CNTNAP4: variants seen among roughly 807,000 people sequenced by gnomAD.
The protein encoded by CNTNAP4 is contactin associated protein family member 4.
Under a neutral mutation model 148.4 loss-of-function variants are expected in CNTNAP4, and 98 were observed. That is an observed-to-expected ratio of 0.66 (90% CI 0.56 to 0.78). The LOEUF is 0.78. Ranked by LOEUF, CNTNAP4 falls within the 30% of genes least tolerant of loss-of-function variation. CNTNAP4 has a pLI of 0.00. For synonymous variants in CNTNAP4, 730 were observed against 565.1 expected, an observed-to-expected ratio of 1.29 and a Z score of -4.14; for missense variants, 1,935 against 1,565.6, an observed-to-expected ratio of 1.24 and a Z score of -3.98.
rs978335893 is a variant in CNTNAP4 at position 76,443,072 on chromosome 16, G to A, written c.539-4940G>A. ...CCCTGCCCATAGTGAGCCAGTGTAT[G>A]ACAGAGCCACATTATTAATCTCGAT... On this transcript the variant is annotated intron_variant, in intron 4 of 23. Transcript: ENST00000611870. Among the ~76,000 whole-genome samples, 39 of 152,058 alleles carry A rather than the reference G, an allele frequency of 2.6e-4. 1 individual carries two copies. Among genetic ancestry groups the A allele is most frequent in the Admixed American group, 1.9e-3 (29 of 15,254 alleles).
chr16:76,346,348 TG>T (rs57319677), intron 2 of CNTNAP4, among the ~76,000 whole-genome samples: 28,073 of 149,784 alleles, frequency 0.19, 3,416 homozygotes, highest in East Asian at 0.49. Flanking sequence ...TACAGGAGAG[TG>T]ACTTCAGTTT....
At chr16:76,476,479 A>T (rs2081585137) in intron 11 of CNTNAP4, among the ~76,000 whole-genome samples, 1 of 152,134 alleles carries the variant, frequency 6.6e-6, no homozygotes, top group African/African-American at 2.4e-5. Flanking sequence ...TGGTATGAAG[A>T]TTCAGATATC....
At position 76,360,169 on chromosome 16, in the gene CNTNAP4, A is replaced by G. The variant is rs547823287; in HGVS notation, c.390+4658A>G. 1.1e-4 allele frequency among the ~76,000 whole-genome samples: 16 copies of G among 152,316 alleles called. No individual in the cohort carries two copies. The South Asian group carries it at 3.3e-3, about 32-fold the overall frequency. Reference sequence around the variant, plus strand: ...TCTTTGTTTTTTGTTCTTTAACTAGAAGTGTCTAGTGTCATGGTTCTGGGT... The same window carrying G: ...TCTTTGTTTTTTGTTCTTTAACTAGGAGTGTCTAGTGTCATGGTTCTGGGT... On this transcript the variant is annotated intron_variant, in intron 3 of 23. Coordinates refer to ENST00000611870, the MANE Select transcript of CNTNAP4 (RefSeq NM_033401.5).
chr16:76,549,770 G>C (rs974796758), intron 21 of CNTNAP4, among the ~76,000 whole-genome samples: 2 of 152,082 alleles, frequency 1.3e-5, no homozygotes, highest in African/African-American at 4.8e-5. Flanking sequence ...GACCCACAGA[G>C]ATGTAAGTCC....
intron 3 of CNTNAP4, among the ~76,000 whole-genome samples, chr16:76,388,641 G>A (rs2016707051): frequency 6.6e-6 from 1 of 152,124 alleles, no homozygotes; most frequent in African/African-American, 2.4e-5. Flanking sequence ...ATATATAATA[G>A]TAATTCCTGT....
chr16:76,344,236 T>G (rs1306962370), intron 2 of CNTNAP4, among the ~76,000 whole-genome samples: 1 of 152,150 alleles, frequency 6.6e-6, no homozygotes, highest in Non-Finnish European at 1.5e-5. Flanking sequence ...CTGTCCAGTT[T>G]GTAGAAAAAA....
chr16:76,439,311 T>G (rs1473099745), intron 4 of CNTNAP4, among the ~76,000 whole-genome samples: 1 of 151,456 alleles, frequency 6.6e-6, no homozygotes, highest in Non-Finnish European at 1.5e-5. Context: ...GAGATAACTT[T>G]GAGATAAACG....
intron 3 of CNTNAP4, among the ~76,000 whole-genome samples, chr16:76,420,942 T>C (rs2079168858): frequency 6.6e-6 from 1 of 152,064 alleles, no homozygotes; most frequent in Non-Finnish European, 1.5e-5. Context: ...AAAAATTTAG[T>C]CTTCCACAAA....
At position 76,479,429 on chromosome 16, in the gene CNTNAP4, G is replaced by T. The variant is rs149658030; in HGVS notation, c.1773G>T (p.Glu591Asp). 2 of 1,595,500 alleles carry T rather than the reference G, an allele frequency of 1.3e-6. No individual in the cohort carries two copies. The highest frequency in any genetic ancestry group is 1.7e-6 in the Non-Finnish European group (2 of 1,171,676). ...RGATCHNSIY[E>D]QSCEAYKHRG... ...TTTTTTTTCTTAAAGCTATCTATGA[G>T]CAGTCATGTGAAGCCTATAAGCACA... The change falls in exon 12 of 24, where the codon GAG becomes GAT. Residue 591 changes from glutamate (E) to aspartate (D), a missense_variant. By Grantham distance (45) the Glu-to-Asp change is conservative. Transcript: ENST00000611870.
chr16:76,347,960 A>G (rs1334349344), intron 2 of CNTNAP4, among the ~76,000 whole-genome samples: 1 of 152,104 alleles, frequency 6.6e-6, no homozygotes, highest in Admixed American at 6.5e-5. Context: ...CAGGTATAAT[A>G]TTTCACACCT....
chr16:76,405,407 GA>G (rs759919919), intron 3 of CNTNAP4, among the ~76,000 whole-genome samples: 4 of 152,188 alleles, frequency 2.6e-5, no homozygotes, highest in South Asian at 4.2e-4. Flanking sequence ...GGGAGGAGGG[GA>G]AACCCATGCA....
Position 76,375,140 on chromosome 16 carries a change from T to C in CNTNAP4, c.390+19629T>C, listed in dbSNP as rs923584955. ...TTTGTGTGATTTAAAGGCACGTATTTACTAGGTGCAGTGGCTCATGCCTGT... is the reference window on the plus strand; with the variant it reads ...TTTGTGTGATTTAAAGGCACGTATTCACTAGGTGCAGTGGCTCATGCCTGT... On this transcript the variant is annotated intron_variant, in intron 3 of 23. Transcript: ENST00000611870. Among the ~76,000 whole-genome samples, 25 of 152,226 alleles carry C rather than the reference T, an allele frequency of 1.6e-4. 1 individual carries two copies. The highest frequency in any genetic ancestry group is 6.5e-5 in the Admixed American group (1 of 15,288).
chr16:76,386,034 TG>T (rs1162792320), intron 3 of CNTNAP4, among the ~76,000 whole-genome samples: 1 of 152,066 alleles, frequency 6.6e-6, no homozygotes, highest in Non-Finnish European at 1.5e-5. Context: ...GAAGGCAGAG[TG>T]CCACCTTGTT....
At chr16:76,483,692 T>G (rs2081923360) in intron 12 of CNTNAP4, among the ~76,000 whole-genome samples, 1 of 152,102 alleles carries the variant, frequency 6.6e-6, no homozygotes, top group South Asian at 2.1e-4. Flanking sequence ...ATGTGGCACT[T>G]AATAGACTAC....
chr16:76,289,020 C>A (rs1959002079), intron 1 of CNTNAP4, among the ~76,000 whole-genome samples: 1 of 152,072 alleles, frequency 6.6e-6, no homozygotes, highest in Admixed American at 6.5e-5. Context: ...CCTGGTCAAC[C>A]TATTCTTACT....
chr16:76,438,764 C>T (rs73617566), intron 4 of CNTNAP4, among the ~76,000 whole-genome samples: 6,012 of 152,114 alleles, frequency 0.04, 398 homozygotes, highest in African/African-American at 0.14. Context: ...CTTTCCTGGC[C>T]GCTGCTGACA....
chr16:76,301,756 C>A (rs7201905), intron 1 of CNTNAP4, among the ~76,000 whole-genome samples: 3,711 of 152,144 alleles, frequency 0.024, 154 homozygotes, highest in African/African-American at 0.084. Context: ...CTCAAATCCG[C>A]CTCCCTGAAG....
At chr16:76,454,677 T>C (rs1227065462) in intron 8 of CNTNAP4, among the ~76,000 whole-genome samples, 3 of 152,170 alleles carry the variant, frequency 2.0e-5, no homozygotes, top group Non-Finnish European at 2.9e-5. Context: ...TAAATGGTAG[T>C]TGGGTGGGAG....
intron 13 of CNTNAP4, among the ~76,000 whole-genome samples, chr16:76,493,445 G>T (rs189171182): frequency 2.0e-5 from 3 of 150,036 alleles, no homozygotes; most frequent in Admixed American, 6.8e-5. Context: ...TTATTTCTCA[G>T]GGTTTTAAAA....
Sources: allele counts gnomAD v4.1 joint callset (sites outside exome capture counted in the v4.1 genomes callset), GRCh38; gene constraint gnomAD v4.1.1; transcripts MANE v1.5; gene names NCBI Gene and HGNC (gene_info 2026-07-23, HGNC 2026-07-21).